The following SLC29A2 variants were observed in gnomAD, a reference collection of about 807,000 sequenced individuals.
SLC29A2 encodes the protein solute carrier family 29 member 2.
Under a neutral mutation model 48.8 loss-of-function variants are expected in SLC29A2, and 37 were observed. That is an observed-to-expected ratio of 0.76 (90% CI 0.58 to 1.00). SLC29A2 has a LOEUF of 1.00. SLC29A2 is among the 50% of genes least tolerant of loss of function. SLC29A2 has a pLI of 0.00. For missense variants in SLC29A2, 533 were observed against 578.6 expected (o/e 0.92, Z 0.81); for synonymous variants, 233 against 261.7 (o/e 0.89, Z 1.06).
At chr11:66,367,688 C>T in intron 6 of SLC29A2, 84 bp downstream of exon 6, 1 of 1,491,552 alleles carries the variant, frequency 6.7e-7, no homozygotes, top group Non-Finnish European at 9.4e-7. Flanking sequence ...TCCTCCACCT[C>T]CCCTGGCCTC....
chr11:66,370,694 A>G (rs1361954363), intron 2 of SLC29A2, among the ~76,000 whole-genome samples: 1 of 152,058 alleles, frequency 6.6e-6, no homozygotes, highest in East Asian at 1.9e-4. Context: ...CGTCTCTACT[A>G]AAAATACAAA....
chr11:66,371,630 A>C lies in SLC29A2; in HGVS notation c.-39T>G. 1.3e-6 allele frequency: 2 copies of C among 1,538,478 alleles called. No homozygotes were observed. Among genetic ancestry groups the C allele is most frequent in the Non-Finnish European group, 1.7e-6 (2 of 1,147,166 alleles). The stretch of plus-strand genomic sequence containing the variant: ...GATGCGCCTGGGGTGAAAGGGGCAG[A>C]GAAGCCGCACCTGCACCTGCGCTGG... On this transcript the variant is annotated 5_prime_UTR_variant, in exon 1 of 12. Transcript: ENST00000357440.
At chr11:66,372,213 A>G (rs1214070734), upstream of SLC29A2, 3 of 152,254 alleles carry the variant, frequency 2.0e-5, no homozygotes, top group African/African-American at 7.2e-5. Context: ...CAGAGCTGCC[A>G]CAGGTCGCCC....
intron 1 of SLC29A2, 114 bp downstream of exon 1, chr11:66,371,449 G>T: frequency 6.7e-7 from 1 of 1,498,126 alleles, no homozygotes; most frequent in South Asian, 1.2e-5. Context: ...GCGGCCGAGG[G>T]AGTCGGCTGA....
rs1193832496 is a variant in SLC29A2 at position 66,368,591 on chromosome 11, C to T, written c.496G>A (p.Gly166Ser). 13 of 1,611,218 alleles carry T rather than the reference C, an allele frequency of 8.1e-6. No homozygotes were observed. The highest frequency in any genetic ancestry group is 3.3e-5 in the South Asian group (3 of 90,484). The stretch of plus-strand genomic sequence containing the variant: ...GCAAAGATCCCAGCCAGGCCCTGGC[C>T]GCTGAGGAAGAGGGTGCTGTAGGTG... ...PSTYSTLFLS[G>S]QGLAGIFAAL... The change falls in exon 5 of 12, where the codon GGC becomes AGC. Residue 166 changes from glycine (G) to serine (S), a missense_variant. Coordinates refer to ENST00000357440, the MANE Select transcript of SLC29A2 (RefSeq NM_001532.3).
chr11:66,371,393 G>A (rs1409596747), intron 1 of SLC29A2, 68 bp from the exon 2 acceptor site: 1 of 1,569,440 alleles, frequency 6.4e-7, no homozygotes, highest in Non-Finnish European at 8.7e-7. Context: ...CGCCTCCCAG[G>A]CCACCCCCTC....
chr11:66,365,860 C>T (rs1590650874), intron 10 of SLC29A2, 76 bp downstream of exon 10: 3 of 1,385,768 alleles, frequency 2.2e-6, no homozygotes, highest in Admixed American at 3.4e-5. Context: ...CAGAAAATCA[C>T]CTCCATGCTC....
intron 8 of SLC29A2, 67 bp from the exon 9 acceptor site, chr11:66,366,298 C>T: frequency 6.3e-7 from 1 of 1,599,582 alleles, no homozygotes; most frequent in Non-Finnish European, 8.6e-7. Flanking sequence ...TTGCCCAAGC[C>T]CCATGTGGGA....
At chr11:66,367,901 C>A (rs1167098628) in intron 5 of SLC29A2, 32 bp from the exon 6 acceptor site, 1 of 1,584,144 alleles carries the variant, frequency 6.3e-7, no homozygotes, top group Non-Finnish European at 8.7e-7. Context: ...AGAAGAGAGG[C>A]ACCTGGTCCC....
upstream of SLC29A2, chr11:66,371,955 C>A (rs1159471723): frequency 2.9e-6 from 1 of 349,238 alleles, no homozygotes; most frequent in Non-Finnish European, 5.3e-6. Context: ...GGGGGCGGGT[C>A]CCGGATCCCT....
Position 66,366,481 on chromosome 11 carries a change from C to G in SLC29A2, c.817G>C (p.Asp273His), listed in dbSNP as rs1855704396. The change falls in exon 8 of 12, where the codon GAT becomes CAT. Residue 273 changes from aspartate to histidine, a missense_variant. By Grantham distance (81) the Asp-to-His change is moderately conservative (BLOSUM62 -1). Transcript: ENST00000357440. ...GGTTTTCCTGGCTTCTGGGGCTCATCTGGCTCTGATTCCGGCTCCTTCTCC... is the reference window on the plus strand; with the variant it reads ...GGTTTTCCTGGCTTCTGGGGCTCATGTGGCTCTGATTCCGGCTCCTTCTCC... Reference protein sequence around the residue: ...DLEKEPESEPDEPQKPGKPSV... With the variant: ...DLEKEPESEPHEPQKPGKPSV... 1 of 1,614,158 alleles carries G rather than the reference C, an allele frequency of 6.2e-7. No individual in the cohort carries two copies. Among genetic ancestry groups the G allele is most frequent in the African/African-American group, 1.3e-5 (1 of 75,038 alleles).
intron 10 of SLC29A2, 77 bp from the exon 11 acceptor site, chr11:66,364,501 TAC>T (rs1855555623): frequency 1.2e-5 from 11 of 947,134 alleles, no homozygotes; most frequent in Middle Eastern, 6.6e-4. Context: ...ACCCATAGAG[TAC>T]TTTTTTTTTT....
rs778620386 is a variant in SLC29A2, at chr11:66,366,529, C to G, written c.769G>C (p.Ala257Pro). The G allele has an allele frequency of 1.5e-5, 24 of 1,614,004 alleles. No individual in the cohort carries two copies. The highest frequency in any genetic ancestry group is 1.9e-5 in the Non-Finnish European group (23 of 1,180,026). ...TCCAGGTCAAGATCCAGGGTCAGAGCTACTTTCTGGGGACTACTGGGAATC... is the reference window on the plus strand; with the variant it reads ...TCCAGGTCAAGATCCAGGGTCAGAGGTACTTTCTGGGGACTACTGGGAATC... ...NGIPSSPQKV[A>P]LTLDLDLEKE... Residue 257 changes from alanine to proline, a missense_variant, in exon 8 of 12, where the codon GCT (alanine) becomes CCT (proline). Ala to Pro is a conservative substitution (Grantham distance 27). Coordinates refer to ENST00000357440, the MANE Select transcript of SLC29A2 (RefSeq NM_001532.3).
intron 7 of SLC29A2, 102 bp from the exon 8 acceptor site, chr11:66,366,666 T>G (rs1855717849): frequency 7.4e-7 from 1 of 1,356,094 alleles, no homozygotes; most frequent in African/African-American, 1.4e-5. Context: ...CAAGTGATCC[T>G]CAGCTCAGCA....
At chr11:66,371,804 C>T (rs1856063843), upstream of SLC29A2, 1 of 574,074 alleles carries the variant, frequency 1.7e-6, no homozygotes, top group African/African-American at 2.0e-5. Flanking sequence ...GAGGCGGGGA[C>T]AGAGGGTCGC....
At chr11:66,366,054 C>G in intron 9 of SLC29A2, 33 bp from the exon 10 acceptor site, 2 of 1,610,756 alleles carry the variant, frequency 1.2e-6, no homozygotes, top group East Asian at 2.2e-5. Context: ...TCATACTGGT[C>G]TCCAACTCCC....
intron 3 of SLC29A2, 65 bp from the exon 4 acceptor site, chr11:66,369,264 C>T (rs1189099089): frequency 1.3e-6 from 2 of 1,587,094 alleles, no homozygotes; most frequent in Non-Finnish European, 1.7e-6. Flanking sequence ...GAAGGAGGCT[C>T]GACACCTGGG....
intron 1 of SLC29A2, 119 bp from the exon 2 acceptor site, chr11:66,371,444 C>G (rs1023629728): frequency 1.5e-5 from 23 of 1,504,236 alleles, no homozygotes; most frequent in African/African-American, 1.2e-4. Context: ...TTCCGGCGGC[C>G]GAGGGAGTCG....
chr11:66,364,264 T>C lies in SLC29A2; in HGVS notation c.1220A>G (p.Asn407Ser). The change falls in exon 11 of 12, where the codon AAT becomes AGT. Residue 407 changes from asparagine (N) to serine (S), a missense_variant. By Grantham distance (46) the Asn-to-Ser change is conservative (BLOSUM62 1). Coordinates refer to ENST00000357440, the MANE Select transcript of SLC29A2 (RefSeq NM_001532.3). ...ITFMLLFAVS[N>S]GYLVSLTMCL... is the part of the protein sequence containing the mutation. ...CATGGTGAGGGACACCAGGTAGCCA[T>C]TAGAAACGGCAAAGAGCAGCATGAA... is the stretch of plus-strand genomic sequence containing the variant. The C allele has an allele frequency of 6.8e-7, 1 of 1,463,368 alleles. No homozygotes were observed. The highest frequency in any genetic ancestry group is 9.2e-7 in the Non-Finnish European group (1 of 1,084,354). The allele number at this position is 1,463,368 out of a possible 1,614,324, so 90.6% of individuals were successfully genotyped here. A position where few individuals can be genotyped will look rare whatever the true frequency, so the allele number is the denominator to read the frequency against.
Sources: allele counts gnomAD v4.1 joint callset (sites outside exome capture counted in the v4.1 genomes callset), GRCh38; gene constraint gnomAD v4.1.1; transcripts MANE v1.5; gene names NCBI Gene and HGNC (gene_info 2026-07-23, HGNC 2026-07-21).